Variants in DLG2 observed in about 807,000 individuals in gnomAD.
The protein encoded by DLG2 is disks large homolog 2.
A neutral mutation model predicts 132.5 loss-of-function variants in DLG2; 45 were observed. That is an observed-to-expected ratio of 0.34 (90% CI 0.27 to 0.44). The LOEUF (loss-of-function observed/expected upper bound fraction) is 0.44, where lower values mean the gene tolerates loss of function less well. Among genes scored for constraint, DLG2 ranks in the 20% least tolerant of loss-of-function variants. DLG2 has a pLI of 1.00. For missense variants in DLG2, 1,045 were observed against 1,196.9 expected (o/e 0.87, Z 1.87); for synonymous variants, 424 against 419.6 (o/e 1.01, Z -0.13).
intron 14 of DLG2, among the ~76,000 whole-genome samples, chr11:83,945,973 C>CCTTCCTTCCTTCCTTTCCTTCCTTCCT (rs1338581440): frequency 6.3e-5 from 9 of 142,664 alleles, no homozygotes; most frequent in Non-Finnish European, 7.6e-5. Flanking sequence ...TTCCTTTTCT[C>CCTTCCTTCCTTCCTTTCCTTCCTTCCT]TTTCTCTTTC....
intron 6 of DLG2, among the ~76,000 whole-genome samples, chr11:84,822,482 T>A (rs2077817294): frequency 6.6e-6 from 1 of 151,902 alleles, no homozygotes; most frequent in Middle Eastern, 3.2e-3. Flanking sequence ...CATTTAGTTA[T>A]TTTCCAAAAA....
intron 9 of DLG2, among the ~76,000 whole-genome samples, chr11:84,126,806 C>A (rs1349514041): frequency 1.3e-5 from 2 of 152,160 alleles, no homozygotes; most frequent in African/African-American, 4.8e-5. Context: ...TTATTTTAGT[C>A]TCTTACCCAC....
At chr11:84,815,144 A>G (rs2076963450) in intron 6 of DLG2, among the ~76,000 whole-genome samples, 1 of 152,110 alleles carries the variant, frequency 6.6e-6, no homozygotes, top group South Asian at 2.1e-4. Context: ...AAGTCACTCA[A>G]CTCTCAAACT....
chr11:85,372,322 T>C (rs2085048297), intron 3 of DLG2, among the ~76,000 whole-genome samples: 1 of 152,214 alleles, frequency 6.6e-6, no homozygotes, highest in African/African-American at 2.4e-5. Flanking sequence ...TAACTATAGC[T>C]ACCAATTATC....
intron 3 of DLG2, among the ~76,000 whole-genome samples, chr11:85,456,392 C>T (rs2092423550): frequency 6.6e-6 from 1 of 151,864 alleles, no homozygotes; most frequent in Non-Finnish European, 1.5e-5. Context: ...GTCTATCTAT[C>T]TTACTTATTC....
intron 7 of DLG2, among the ~76,000 whole-genome samples, chr11:84,452,995 C>T (rs1428971837): frequency 6.6e-6 from 1 of 151,132 alleles, no homozygotes; most frequent in African/African-American, 2.4e-5. Context: ...TTCCAATCAC[C>T]CTGATTTGAT....
intron 6 of DLG2, among the ~76,000 whole-genome samples, chr11:84,917,198 T>C (rs1194548907): frequency 1.3e-5 from 2 of 152,194 alleles, no homozygotes; most frequent in Non-Finnish European, 2.9e-5. Flanking sequence ...ATAGGTACTA[T>C]ATCAAATATT....
intron 15 of DLG2, among the ~76,000 whole-genome samples, chr11:83,906,293 A>T (rs1259123785): frequency 2.9e-4 from 41 of 143,808 alleles, no homozygotes; most frequent in African/African-American, 9.9e-4. Flanking sequence ...ACACACACAC[A>T]CACACACACA....
At chr11:85,334,338 C>A (rs1222932903) in intron 3 of DLG2, among the ~76,000 whole-genome samples, 1 of 151,892 alleles carries the variant, frequency 6.6e-6, no homozygotes, top group Admixed American at 6.6e-5. Context: ...ATTTATTATT[C>A]TAGCTAGCAG....
intron 3 of DLG2, among the ~76,000 whole-genome samples, chr11:85,421,540 G>A (rs1212272704): frequency 1.3e-5 from 2 of 151,286 alleles, no homozygotes; most frequent in African/African-American, 4.9e-5. Context: ...TTTACCTTAG[G>A]TTTGTGCAAG....
Position 85,530,153 on chromosome 11 carries a change from C to T in DLG2, c.40+68504G>A, listed in dbSNP as rs147973832. Reference sequence around the variant, plus strand: ...CTGGAATTACAGGCATACACCACCACACCCAGCTAATTTTGGATTTTTAGT... The same window carrying T: ...CTGGAATTACAGGCATACACCACCATACCCAGCTAATTTTGGATTTTTAGT... On this transcript the variant is annotated intron_variant, in intron 3 of 27. Transcript: ENST00000376104. 1.3e-3 allele frequency among the ~76,000 whole-genome samples: 200 copies of T among 151,706 alleles called. 1 individual carries two copies. Among genetic ancestry groups the T allele is most frequent in the African/African-American group, 4.6e-3 (189 of 41,402 alleles).
chr11:83,641,023 AC>A (rs1409182470), intron 18 of DLG2, among the ~76,000 whole-genome samples: 3 of 152,004 alleles, frequency 2.0e-5, no homozygotes, highest in Non-Finnish European at 4.4e-5. Context: ...AATCATCCCT[AC>A]CCCCATACAT....
chr11:84,724,394 T>G (rs1297943031), intron 6 of DLG2, among the ~76,000 whole-genome samples: 2 of 152,328 alleles, frequency 1.3e-5, no homozygotes, highest in African/African-American at 2.4e-5. Flanking sequence ...ATGCTTGCTA[T>G]GTACACTGTT....
chr11:83,790,073 T>C, intron 17 of DLG2: 1 of 1,144,876 alleles, frequency 8.7e-7, no homozygotes, highest in Non-Finnish European at 1.2e-6. Flanking sequence ...ATGACACAGG[T>C]ACTGCAACGA....
intron 7 of DLG2, among the ~76,000 whole-genome samples, chr11:84,451,758 A>G (rs181997932): frequency 6.6e-6 from 1 of 151,964 alleles, no homozygotes; most frequent in Non-Finnish European, 1.5e-5. Context: ...ATAAATAGAA[A>G]AATGTAGTCT....
chr11:84,605,368 A>G (rs565353631), intron 6 of DLG2, among the ~76,000 whole-genome samples: 2 of 152,060 alleles, frequency 1.3e-5, no homozygotes, highest in East Asian at 3.9e-4. Flanking sequence ...GTCTATACCA[A>G]GTTATAGTCT....
At chr11:85,182,768 TA>T (rs1248279937) in intron 4 of DLG2, among the ~76,000 whole-genome samples, 2 of 150,194 alleles carry the variant, frequency 1.3e-5, no homozygotes, top group Non-Finnish European at 1.5e-5. Context: ...ACTAGCAAAG[TA>T]AAAATCCTGG....
intron 7 of DLG2, among the ~76,000 whole-genome samples, chr11:84,276,066 G>T (rs922738816): frequency 6.6e-6 from 1 of 152,016 alleles, no homozygotes; most frequent in Non-Finnish European, 1.5e-5. Flanking sequence ...TTAAGATTTA[G>T]ACCAAATTTG....
chr11:85,600,117 A>G (rs1167559641), intron 2 of DLG2, among the ~76,000 whole-genome samples: 1 of 152,190 alleles, frequency 6.6e-6, no homozygotes, highest in South Asian at 2.1e-4. Context: ...ACAAGCTCCT[A>G]ACATAACATC....
Sources: allele counts gnomAD v4.1 joint callset (sites outside exome capture counted in the v4.1 genomes callset), GRCh38; gene constraint gnomAD v4.1.1; transcripts MANE v1.5; gene names NCBI Gene and HGNC (gene_info 2026-07-23, HGNC 2026-07-21).